The following CNDP1 variants were observed in gnomAD, a reference collection of about 807,000 sequenced individuals.
CNDP1 encodes carnosine dipeptidase 1.
CNDP1 carries 44 observed loss-of-function variants against 58.1 expected under a neutral mutation model. The ratio of observed to expected loss-of-function variants is 0.76; its 90% CI spans 0.60 to 0.97. The LOEUF (loss-of-function observed/expected upper bound fraction) is 0.97. CNDP1 is among the 50% of genes least tolerant of loss of function. The probability of loss-of-function intolerance (pLI) is 0.00; values close to 1 mark genes in which losing one functional copy is unlikely to be tolerated. For synonymous variants in CNDP1, 254 were observed against 252.6 expected (o/e 1.01, Z -0.05); for missense variants, 616 against 655.1 (o/e 0.94, Z 0.65).
At chr18:74,562,967 G>A (rs931984139) in intron 5 of CNDP1, among the ~76,000 whole-genome samples, 3 of 152,148 alleles carry the variant, frequency 2.0e-5, no homozygotes, top group African/African-American at 4.8e-5. Flanking sequence ...GTCAGCCCTG[G>A]GGTCTGGTTT....
At chr18:74,572,799 A>G (rs1981514935) in intron 7 of CNDP1, among the ~76,000 whole-genome samples, 1 of 142,308 alleles carries the variant, frequency 7.0e-6, no homozygotes, top group South Asian at 2.3e-4. Flanking sequence ...TCAAAAAAAA[A>G]AAAAAAAAAA....
rs1033965298 is a variant in CNDP1 at position 74,534,763 on chromosome 18, G to A, written c.24+72G>A. 141 of 1,572,972 alleles carry A rather than the reference G, an allele frequency of 9.0e-5. No individual in the cohort carries two copies. In the Admixed American group the frequency reaches 2.2e-3, roughly 25 times the overall value. On this transcript the variant is annotated intron_variant, in intron 1 of 11. Transcript: ENST00000358821. ...TTCCATTTGTCCCGGGAGCATGTGC[G>A]TTAAGCCCAGTTGGGCAGGGCAGGC...
chr18:74,543,002 A>G (rs142902469), intron 1 of CNDP1, among the ~76,000 whole-genome samples: 247 of 152,400 alleles, frequency 1.6e-3, no homozygotes, highest in African/African-American at 5.8e-3. Context: ...TATGTAAGAA[A>G]GACATGCCTT....
rs1275737930 is a variant in CNDP1 at position 74,586,870 on chromosome 18, A to G, written c.*2308A>G. The stretch of plus-strand genomic sequence containing the variant: ...AAAGAAAGCTACTCAGTTGTTATTC[A>G]GATATATTAACCAGCCATATGGAGG... On this transcript the variant is annotated 3_prime_UTR_variant, in exon 12 of 12. Coordinates refer to ENST00000358821, the MANE Select transcript of CNDP1 (RefSeq NM_032649.6). The G allele has an allele frequency of 6.6e-6, 1 of 152,198 alleles. No homozygotes were observed. Among genetic ancestry groups the G allele is most frequent in the African/African-American group, 2.4e-5 (1 of 41,438 alleles). The allele number at this position is 152,198 out of a possible 1,614,324, so 9.4% of individuals were successfully genotyped here.
rs549109015 is a variant in CNDP1 at position 74,568,688 on chromosome 18, C to T, written c.756+1255C>T. 1.5e-3 allele frequency among the ~76,000 whole-genome samples: 232 copies of T among 152,184 alleles called. 1 individual carries two copies. The highest frequency in any genetic ancestry group is 5.1e-3 in the African/African-American group (212 of 41,480). ...AGTCCTAGAGCTTTTTCCCTCTTAG[C>T]GTCCATTTTTTTCTGTTTAGTAGGA... On this transcript the variant is annotated intron_variant, in intron 6 of 11. Coordinates refer to ENST00000358821, the MANE Select transcript of CNDP1 (RefSeq NM_032649.6).
chr18:74,555,476 G>T (rs1981013941), intron 1 of CNDP1, among the ~76,000 whole-genome samples: 2 of 152,162 alleles, frequency 1.3e-5, no homozygotes, highest in Admixed American at 6.5e-5. Context: ...GTGGCCCCTG[G>T]GTCTGATGCT....
chr18:74,555,865 A>G (rs1981024305), intron 1 of CNDP1, among the ~76,000 whole-genome samples: 1 of 152,192 alleles, frequency 6.6e-6, no homozygotes, highest in Non-Finnish European at 1.5e-5. Context: ...TGATTTCAGG[A>G]GCCAGTGGAA....
intron 7 of CNDP1, among the ~76,000 whole-genome samples, chr18:74,572,162 C>T (rs1396539437): frequency 6.6e-6 from 1 of 151,970 alleles, no homozygotes; most frequent in Non-Finnish European, 1.5e-5. Flanking sequence ...CCCCGATTGT[C>T]CTGGTGCTGT....
Position 74,534,724 on chromosome 18 carries a change from A to T in CNDP1, c.24+33A>T, listed in dbSNP as rs1283947095. The T allele has an allele frequency of 5.6e-6, 9 of 1,613,376 alleles. No homozygotes were observed. The African/African-American group carries it at 1.1e-4, about 19-fold the overall frequency. On this transcript the variant is annotated intron_variant, in intron 1 of 11. Transcript: ENST00000358821. ...GGACCTCCTCCATCAGAGTCCGTGCATTGGGTGCCAGAATTCCATTTGTCC... is the reference window on the plus strand; with the variant it reads ...GGACCTCCTCCATCAGAGTCCGTGCTTTGGGTGCCAGAATTCCATTTGTCC...
chr18:74,551,975 C>G (rs1980923328), intron 1 of CNDP1, among the ~76,000 whole-genome samples: 1 of 152,126 alleles, frequency 6.6e-6, no homozygotes, highest in South Asian at 2.1e-4. Context: ...TGAAGCCTTC[C>G]TCACACCTGA....
At position 74,542,263 on chromosome 18, in the gene CNDP1, T is replaced by G. The variant is rs187372875; in HGVS notation, c.24+7572T>G. On this transcript the variant is annotated intron_variant, in intron 1 of 11. Coordinates refer to ENST00000358821, the MANE Select transcript of CNDP1 (RefSeq NM_032649.6). ...TGAGCTCCTGGTGTCAAGGCCTAAT[T>G]TATTAGTCATTATTAGCCAATTCCT... Among the ~76,000 whole-genome samples the G allele has an allele frequency of 1.2e-4, 18 of 152,320 alleles. No homozygotes were observed. The East Asian group carries it at 3.1e-3, about 26-fold the overall frequency.
chr18:74,562,836 C>T (rs113563592), intron 5 of CNDP1, among the ~76,000 whole-genome samples: 7,983 of 152,362 alleles, frequency 0.052, 233 homozygotes, highest in Middle Eastern at 0.071. Context: ...CTTCTCCCCT[C>T]TCCTGATGAA....
At chr18:74,581,304 G>A (rs1295254126) in intron 10 of CNDP1, among the ~76,000 whole-genome samples, 2 of 149,644 alleles carry the variant, frequency 1.3e-5, no homozygotes, top group African/African-American at 4.9e-5. Flanking sequence ...CGGACACAAG[G>A]TCTCCCCTGA....
chr18:74,577,038 A>G lies in CNDP1; in HGVS notation c.1002+9A>G. ...TTCTGTTCGATACTAAGGTATGGCC[A>G]CAGACTGATGGATAAGCTGGAAGAG... On this transcript the variant is annotated intron_variant, in intron 8 of 11. Coordinates refer to ENST00000358821, the MANE Select transcript of CNDP1 (RefSeq NM_032649.6). The G allele has an allele frequency of 6.2e-7, 1 of 1,601,184 alleles. No individual in the cohort carries two copies. Among genetic ancestry groups the G allele is most frequent in the Non-Finnish European group, 8.5e-7 (1 of 1,173,840 alleles).
chr18:74,540,827 G>A (rs955957889), intron 1 of CNDP1, among the ~76,000 whole-genome samples: 2 of 152,180 alleles, frequency 1.3e-5, no homozygotes, highest in Non-Finnish European at 2.9e-5. Flanking sequence ...ATGTAAACGT[G>A]AACTTACTGC....
At chr18:74,553,549 G>A (rs944378628) in intron 1 of CNDP1, among the ~76,000 whole-genome samples, 76 of 152,156 alleles carry the variant, frequency 5.0e-4, no homozygotes, top group African/African-American at 1.4e-3. Flanking sequence ...CCGCACCCTC[G>A]ATGAAAATCA....
intron 1 of CNDP1, among the ~76,000 whole-genome samples, chr18:74,546,159 C>T (rs1980752845): frequency 6.6e-6 from 1 of 152,208 alleles, no homozygotes; most frequent in South Asian, 2.1e-4. Context: ...GTGCTACAAG[C>T]CACTGTTACG....
chr18:74,567,923 C>A (rs962865880), intron 6 of CNDP1, among the ~76,000 whole-genome samples: 2 of 152,186 alleles, frequency 1.3e-5, no homozygotes, highest in African/African-American at 4.8e-5. Flanking sequence ...CCATGCCCAG[C>A]CTTGTGCAGG....
chr18:74,556,112 T>C (rs1007009819), intron 1 of CNDP1, among the ~76,000 whole-genome samples: 3 of 152,252 alleles, frequency 2.0e-5, no homozygotes, highest in African/African-American at 7.2e-5. Context: ...ATGAGCTTGT[T>C]AACTTGGTTT....
Sources: gnomAD v4.1 joint callset for allele counts (sites outside exome capture counted in the v4.1 genomes callset) on GRCh38, gnomAD v4.1.1 for gene constraint, MANE v1.5 for transcripts, NCBI Gene and HGNC (gene_info 2026-07-23, HGNC 2026-07-21) for gene names.